The following ITSN2 variants were observed in gnomAD, a reference collection of about 807,000 sequenced individuals.
The protein encoded by ITSN2 is intersectin-2.
A neutral mutation model predicts 243.7 loss-of-function variants in ITSN2; 156 were observed. The observed-to-expected ratio is 0.64, with a 90% confidence interval of 0.56 to 0.73. The LOEUF (loss-of-function observed/expected upper bound fraction) is 0.73, where lower values mean the gene tolerates loss of function less well. ITSN2 is among the 30% of genes least tolerant of loss of function. The pLI is 0.00. For synonymous variants in ITSN2, 703 were observed against 699.9 expected, an observed-to-expected ratio of 1.00 and a Z score of -0.07; for missense variants, 1,801 against 1,996.1, an observed-to-expected ratio of 0.90 and a Z score of 1.86.
chr2:24,257,749 G>T, intron 23 of ITSN2, 139 bp downstream of exon 23: 1 of 707,682 alleles, frequency 1.4e-6, no homozygotes, highest in Non-Finnish European at 2.4e-6. Context: ...GAGCCACCAC[G>T]GCCGGCCAGA....
At chr2:24,217,311 C>CTTCT (rs1218372780) in intron 31 of ITSN2, among the ~76,000 whole-genome samples, 2 of 151,926 alleles carry the variant, frequency 1.3e-5, no homozygotes, top group South Asian at 2.1e-4. Context: ...TTCACCTTAG[C>CTTCT]TTCTTGGCAA....
In ITSN2 at chr2:24,246,885, TC is replaced by T; in HGVS notation, c.3296del (p.Gly1099GlufsTer34). 6.2e-7 allele frequency: 1 copy of T among 1,610,344 alleles called. No individual in the cohort carries two copies. The highest frequency in any genetic ancestry group is 8.5e-7 in the Non-Finnish European group (1 of 1,177,676). ...GWWQGELQARGKKRQKGWFPA... is the reference protein window; with the variant it reads ...GWWQGELQARXKKRQKGWFPA... ...GAAACCATCCTTTCTGTCGCTTTTT[TC>T]CTCTGGCCTAAAAATTAGCAAAAGA... On this transcript the variant is annotated frameshift_variant, in exon 28 of 40. Coordinates refer to ENST00000355123, the MANE Select transcript of ITSN2 (RefSeq NM_006277.3). LOFTEE classifies it high-confidence loss of function.
intron 20 of ITSN2, among the ~76,000 whole-genome samples, chr2:24,263,105 T>C (rs1676122105): frequency 6.6e-6 from 1 of 152,204 alleles, no homozygotes; most frequent in African/African-American, 2.4e-5. Flanking sequence ...ATAATTAGCA[T>C]TATATACATT....
intron 14 of ITSN2, 24 bp from the exon 15 acceptor site, chr2:24,293,799 C>T: frequency 4.3e-6 from 3 of 697,436 alleles, no homozygotes; most frequent in South Asian, 3.9e-5. Context: ...AAAATAGTAC[C>T]TGATTACAAT....
chr2:24,204,045 G>C lies in ITSN2; in HGVS notation c.4936+200C>G. The stretch of plus-strand genomic sequence containing the variant: ...ACGTCGTGTGTGTAGGGAGTGATGG[G>C]TCAAAGACCTGAAACACATCTCAGG... On this transcript the variant is annotated intron_variant, in intron 39 of 39. Transcript: ENST00000355123. The surrounding 1 kb of genome is among the most constrained non-coding windows in gnomAD (Gnocchi z 5.1). The C allele has an allele frequency of 1.6e-6, 1 of 637,284 alleles. No individual in the cohort carries two copies. Among genetic ancestry groups the C allele is most frequent in the African/African-American group, 1.8e-5 (1 of 54,474 alleles). 39.5% of individuals were successfully genotyped at this position (637,284 alleles called of 1,614,324 possible).
intron 37 of ITSN2, chr2:24,206,326 G>A (rs1046895882): frequency 2.0e-5 from 8 of 396,578 alleles, no homozygotes; most frequent in African/African-American, 4.4e-5. Flanking sequence ...CAGGAAGCTG[G>A]TGGGAGGCCC....
intron 28 of ITSN2, 130 bp from the exon 29 acceptor site, chr2:24,246,450 G>C (rs1673379001): frequency 1.5e-5 from 8 of 535,858 alleles, no homozygotes; most frequent in Admixed American, 7.6e-5. Context: ...AATTTCCCTT[G>C]AACTGCTCTT....
chr2:24,271,322 T>G (rs1194775513), intron 19 of ITSN2, among the ~76,000 whole-genome samples: 1 of 152,192 alleles, frequency 6.6e-6, no homozygotes, highest in Non-Finnish European at 1.5e-5. Context: ...ACTTATAAAA[T>G]TTCAACAAAC....
chr2:24,245,628 G>A (rs949296840), intron 29 of ITSN2, among the ~76,000 whole-genome samples: 2 of 152,128 alleles, frequency 1.3e-5, no homozygotes, highest in Admixed American at 6.5e-5. Flanking sequence ...ACAAGCACGT[G>A]CCACCACACC....
At chr2:24,275,181 A>G (rs1236307494) in intron 18 of ITSN2, among the ~76,000 whole-genome samples, 1 of 152,218 alleles carries the variant, frequency 6.6e-6, no homozygotes, top group Admixed American at 6.5e-5. Context: ...AGTGTTTACT[A>G]TGTGCAACAA....
Position 24,209,127 on chromosome 2 carries a change from G to T in ITSN2, c.4568C>A (p.Thr1523Asn). 2.5e-6 allele frequency: 4 copies of T among 1,614,126 alleles called. 1 individual carries two copies. Among genetic ancestry groups the T allele is most frequent in the Non-Finnish European group, 2.5e-6 (3 of 1,179,978 alleles). ...CTCATTAATGTTGTCTGTTCGGAGG[G>T]TGTAGACCCGATCAATGTGGGAAAT... ...FHISHIDRVY[T>N]LRTDNINERT... is the part of the protein sequence containing the mutation. Residue 1523 changes from threonine (T) to asparagine (N), a missense_variant, in exon 36 of 40, where the codon ACC (threonine) becomes AAC (asparagine). By Grantham distance (65) the Thr-to-Asn change is moderately conservative (BLOSUM62 0). Transcript: ENST00000355123.
chr2:24,325,009 G>A (rs1394092120), intron 2 of ITSN2, among the ~76,000 whole-genome samples: 1 of 151,820 alleles, frequency 6.6e-6, no homozygotes, highest in African/African-American at 2.4e-5. Flanking sequence ...AATGTTCTAA[G>A]GCATTTTAAC....
chr2:24,313,513 T>A lies in ITSN2; in HGVS notation c.135A>T (p.Ala45=). 1 of 1,613,284 alleles carries A rather than the reference T, an allele frequency of 6.2e-7. No individual in the cohort carries two copies. The highest frequency in any genetic ancestry group is 8.5e-7 in the Non-Finnish European group (1 of 1,179,504). Residue 45 remains alanine, a synonymous_variant, in exon 4 of 40, where the codon GCA becomes GCT. Transcript: ENST00000355123. ...GACCTGATTGTAGGAAAAAATTACGTGCTTGATCACCTGGAGGTAATAAAA... is the reference window on the plus strand; with the variant it reads ...GACCTGATTGTAGGAAAAAATTACGAGCTTGATCACCTGGAGGTAATAAAA... ...PSGGYITGDQ[A]RNFFLQSGLP...
In ITSN2 at chr2:24,204,365, TG is replaced by T. The variant is rs1668623288; in HGVS notation, c.4815del (p.Arg1606GlyfsTer63). On this transcript the variant is annotated frameshift_variant, in exon 39 of 40. Coordinates refer to ENST00000355123, the MANE Select transcript of ITSN2 (RefSeq NM_006277.3). LOFTEE classifies it high-confidence loss of function. This position sits in a 1 kb window ranked among gnomAD's most constrained non-coding sequence, Gnocchi z 5.1. Reference protein sequence around the residue: ...EISMGSQSYTTRTIQDTLNPK... With the variant: ...EISMGSQSYTXRTIQDTLNPK... ...GGATTGAGTGTGTCCTGGATGGTCC[TG>T]GTGGTGTAGCTCTGGGAGCCCATGC... 1 of 1,614,056 alleles carries T rather than the reference TG, an allele frequency of 6.2e-7. No individual in the cohort carries two copies. The highest frequency in any genetic ancestry group is 8.5e-7 in the Non-Finnish European group (1 of 1,180,018).
intron 5 of ITSN2, 52 bp from the exon 6 acceptor site, chr2:24,310,744 C>A (rs1197407934): frequency 6.0e-6 from 9 of 1,489,252 alleles, no homozygotes; most frequent in Middle Eastern, 1.7e-4. Context: ...AATTATAAAA[C>A]ACATGCAAAA....
At chr2:24,361,333 GC>G (rs1227098343), upstream of ITSN2, among the ~76,000 whole-genome samples, 1 of 152,106 alleles carries the variant, frequency 6.6e-6, no homozygotes, top group Admixed American at 6.5e-5. Flanking sequence ...TTCAACTCAA[GC>G]CGCCACCGTA....
At chr2:24,207,692 A>C (rs1669045971) in intron 37 of ITSN2, among the ~76,000 whole-genome samples, 1 of 151,956 alleles carries the variant, frequency 6.6e-6, no homozygotes, top group Non-Finnish European at 1.5e-5. Context: ...GAGCTGAGCC[A>C]CTAACTAGGC....
chr2:24,338,221 C>A (rs1265856960), intron 1 of ITSN2, among the ~76,000 whole-genome samples: 2 of 152,298 alleles, frequency 1.3e-5, no homozygotes, highest in East Asian at 1.9e-4. Context: ...ATCAACATAA[C>A]CCAGTCTTTT....
chr2:24,238,347 AAGTTTCCGG>A (rs1343151517), intron 29 of ITSN2, among the ~76,000 whole-genome samples: 178 of 151,950 alleles, frequency 1.2e-3, no homozygotes, highest in African/African-American at 4.1e-3. Flanking sequence ...TTAGTTGAAT[AAGTTTCCGG>A]AGATGAGGAA....
Sources: allele counts gnomAD v4.1 joint callset (sites outside exome capture counted in the v4.1 genomes callset), GRCh38; gene constraint gnomAD v4.1.1; non-coding constraint Gnocchi (gnomAD v3.1); transcripts MANE v1.5; gene names NCBI Gene and HGNC (gene_info 2026-07-23, HGNC 2026-07-21).